The following BZW1 variants were observed in gnomAD, a reference collection of about 807,000 sequenced individuals.
BZW1 encodes the protein eIF5-mimic protein 2.
A neutral mutation model predicts 54.1 loss-of-function variants in BZW1; 3 were observed. The observed-to-expected ratio is 0.06, with a 90% CI of 0.03 to 0.14. BZW1 has a LOEUF of 0.14. Among genes scored for constraint, BZW1 ranks in the 10% least tolerant of loss-of-function variants. The probability of loss-of-function intolerance (pLI) is 1.00; values close to 1 mark genes in which losing one functional copy is unlikely to be tolerated. For synonymous variants in BZW1, 152 were observed against 162.7 expected, an observed-to-expected ratio of 0.93 and a Z score of 0.50; for missense variants, 206 against 491.7, an observed-to-expected ratio of 0.42 and a Z score of 5.50.
intron 1 of BZW1, 179 bp from the exon 2 acceptor site, chr2:200,813,029 C>A: frequency 2.9e-6 from 2 of 693,380 alleles, no homozygotes; most frequent in Non-Finnish European, 5.4e-6. Flanking sequence ...CACATTTTGA[C>A]GTACATTTGA....
chr2:200,812,372 C>T, intron 1 of BZW1: 1 of 1,283,102 alleles, frequency 7.8e-7, no homozygotes, highest in Non-Finnish European at 9.8e-7. Flanking sequence ...GCTGCGGCCG[C>T]CGCCTCCGCC....
At position 200,815,778 on chromosome 2, in the gene BZW1, A is replaced by G. The variant is rs772533292; in HGVS notation, c.336+17A>G. ...TTTGCTCAGGTAAATGAAACTTTAC[A>G]TAATTGTTTTCAGTTGGCTACTATC... On this transcript the variant is annotated intron_variant, in intron 4 of 11. Transcript: ENST00000409600. The G allele has an allele frequency of 7.2e-6, 11 of 1,523,212 alleles. No homozygotes were observed. The highest frequency in any genetic ancestry group is 2.4e-5 in the East Asian group (1 of 41,382). The allele number at this position is 1,523,212 out of a possible 1,614,324, so 94.4% of individuals were successfully genotyped here.
At chr2:200,816,268 T>C in intron 4 of BZW1, 57 bp from the exon 5 acceptor site, 1 of 1,299,840 alleles carries the variant, frequency 7.7e-7, no homozygotes, top group Non-Finnish European at 1.1e-6. Flanking sequence ...AAAGGTTTAC[T>C]ACTTTGCTAT....
At chr2:200,819,412 G>A (rs1362300500) in intron 9 of BZW1, among the ~76,000 whole-genome samples, 1 of 152,058 alleles carries the variant, frequency 6.6e-6, no homozygotes, top group Non-Finnish European at 1.5e-5. Context: ...TGATGAAAAG[G>A]AACTTCAGCT....
At position 200,822,325 on chromosome 2, in the gene BZW1, A is replaced by T. The variant is rs375138240; in HGVS notation, c.*147A>T. ...GGCAAATTTTATTTTAACTGTTTCTATGGTTGCTGGAAATGTTGGGTTTAG... is the reference window on the plus strand; with the variant it reads ...GGCAAATTTTATTTTAACTGTTTCTTTGGTTGCTGGAAATGTTGGGTTTAG... On this transcript the variant is annotated 3_prime_UTR_variant, in exon 12 of 12. Transcript: ENST00000409600. 1.1e-4 allele frequency: 68 copies of T among 623,938 alleles called. No individual in the cohort carries two copies. Among genetic ancestry groups the T allele is most frequent in the Admixed American group, 4.0e-4 (12 of 30,096 alleles). The allele number at this position is 623,938 out of a possible 1,614,324, so 38.7% of individuals were successfully genotyped here. A position where few individuals can be genotyped will look rare whatever the true frequency, so the allele number is the denominator to read the frequency against.
At chr2:200,816,478 T>C (rs2038296058) in intron 5 of BZW1, 88 bp downstream of exon 5, 5 of 1,005,242 alleles carry the variant, frequency 5.0e-6, no homozygotes, top group Non-Finnish European at 7.1e-6. Flanking sequence ...AGATTTGGAG[T>C]AATTTTGCTT....
Position 200,826,396 on chromosome 2 carries a change from GA to G in BZW1, c.*4219del, listed in dbSNP as rs2038694427. ...ATATAGATAGATAGATAGATAGATAGATAGATAGATATTTTTTTTTTTTTTT... is the reference window on the plus strand; with the variant it reads ...ATATAGATAGATAGATAGATAGATAGTAGATAGATATTTTTTTTTTTTTTT... On this transcript the variant is annotated 3_prime_UTR_variant, in exon 12 of 12. Coordinates refer to ENST00000409600, the MANE Select transcript of BZW1 (RefSeq NM_001207067.2). The G allele has an allele frequency of 1.7e-5, 1 of 60,486 alleles. No individual in the cohort carries two copies. The highest frequency in any genetic ancestry group is 3.8e-5 in the Non-Finnish European group (1 of 26,590). The allele number at this position is 60,486 out of a possible 1,614,324, so 3.7% of individuals were successfully genotyped here. A position where few individuals can be genotyped will look rare whatever the true frequency, so the allele number is the denominator to read the frequency against.
Position 200,818,472 on chromosome 2 carries a change from A to C in BZW1, c.819+79A>C. 4.1e-6 allele frequency: 6 copies of C among 1,475,496 alleles called. No individual in the cohort carries two copies. In the South Asian group the frequency reaches 7.3e-5, roughly 18 times the overall value. 91.4% of individuals were successfully genotyped at this position (1,475,496 alleles called of 1,614,324 possible). A position where few individuals can be genotyped will look rare whatever the true frequency, so the allele number is the denominator to read the frequency against. ...TTCACTAATTTGAGGAACTTACTTC[A>C]CCAGGATGAGATTGAGTTAATAGTA... On this transcript the variant is annotated intron_variant, in intron 8 of 11. Coordinates refer to ENST00000409600, the MANE Select transcript of BZW1 (RefSeq NM_001207067.2).
intron 11 of BZW1, 21 bp downstream of exon 11, chr2:200,821,326 GGTTT>G (rs1264021840): frequency 9.9e-6 from 16 of 1,611,424 alleles, no homozygotes; most frequent in Non-Finnish European, 1.3e-5. Context: ...TCCTTTGTGT[GGTTT>G]GTTTGGTAAA....
chr2:200,816,266 A>T, intron 4 of BZW1, 59 bp from the exon 5 acceptor site: 1 of 1,278,302 alleles, frequency 7.8e-7, no homozygotes, highest in Non-Finnish European at 1.1e-6. Context: ...TGAAAGGTTT[A>T]CTACTTTGCT....
chr2:200,818,953 T>C, intron 9 of BZW1, 52 bp downstream of exon 9: 2 of 1,500,822 alleles, frequency 1.3e-6, no homozygotes, highest in Non-Finnish European at 8.8e-7. Context: ...CACGTGGTGA[T>C]AAGTGAACTG....
At chr2:200,820,782 G>A (rs2038479934) in intron 10 of BZW1, among the ~76,000 whole-genome samples, 1 of 152,100 alleles carries the variant, frequency 6.6e-6, no homozygotes, top group Admixed American at 6.5e-5. Flanking sequence ...TCCTGCTTCT[G>A]TTCATCTTAC....
rs530425715 is a variant in BZW1 at position 200,823,453 on chromosome 2, T to C, written c.*1275T>C. ...GGGGAAAATGTAGCCACATTTTTTA[T>C]GGGAAGACTTTGTGTTAAAAGTGAA... On this transcript the variant is annotated 3_prime_UTR_variant, in exon 12 of 12. Coordinates refer to ENST00000409600, the MANE Select transcript of BZW1 (RefSeq NM_001207067.2). 7 of 150,312 alleles carry C rather than the reference T, an allele frequency of 4.7e-5. No individual in the cohort carries two copies. The highest frequency in any genetic ancestry group is 2.0e-4 in the East Asian group (1 of 5,004). The allele number at this position is 150,312 out of a possible 1,614,324, so 9.3% of individuals were successfully genotyped here. A position where few individuals can be genotyped will look rare whatever the true frequency, so the allele number is the denominator to read the frequency against.
rs2038557580 is a variant in BZW1, at chr2:200,822,293, C to G, written c.*115C>G. 2.4e-6 allele frequency: 2 copies of G among 825,804 alleles called. No homozygotes were observed. Among genetic ancestry groups the G allele is most frequent in the Non-Finnish European group, 3.7e-6 (2 of 537,036 alleles). The allele number at this position is 825,804 out of a possible 1,614,324, so 51.2% of individuals were successfully genotyped here. The stretch of plus-strand genomic sequence containing the variant: ...CCCTGTATCAAGCATGATATAAGGG[C>G]TTTCATGGCAAATTTTATTTTAACT... On this transcript the variant is annotated 3_prime_UTR_variant, in exon 12 of 12. Transcript: ENST00000409600.
intron 8 of BZW1, 40 bp from the exon 9 acceptor site, chr2:200,818,715 C>T: frequency 6.4e-7 from 1 of 1,562,184 alleles, no homozygotes; most frequent in Non-Finnish European, 8.6e-7. Context: ...TGTACATAAT[C>T]AAAACTGACT....
At position 200,818,383 on chromosome 2, in the gene BZW1, C is replaced by G. The variant is rs1403619808; in HGVS notation, c.809C>G (p.Pro270Arg). ...CAAGAACAGATGTCCCGTGGTGATC[C>G]ATTTAAGGATGTAAGTTTTTGTTTA... is the stretch of plus-strand genomic sequence containing the variant. ...ELQEQMSRGD[P>R]FKDIILYVKE... The change falls in exon 8 of 12, where the codon CCA (proline) becomes CGA (arginine). Residue 270 changes from proline (P) to arginine (R), a missense_variant. Around this residue, in one of 5 missense-constraint regions of BZW1, gnomAD observed 31 missense variants for 29.1 expected, o/e 1.07. Coordinates refer to ENST00000409600, the MANE Select transcript of BZW1 (RefSeq NM_001207067.2). The G allele has an allele frequency of 1.3e-6, 2 of 1,597,758 alleles. No homozygotes were observed. The highest frequency in any genetic ancestry group is 1.1e-5 in the South Asian group (1 of 87,764).
Position 200,823,566 on chromosome 2 carries a change from C to T in BZW1, c.*1388C>T, listed in dbSNP as rs548614178. The T allele has an allele frequency of 1.2e-4, 18 of 152,384 alleles. 1 individual carries two copies. In the East Asian group the frequency reaches 1.5e-3, roughly 13 times the overall value. 9.4% of individuals were successfully genotyped at this position (152,384 alleles called of 1,614,324 possible). Reference sequence around the variant, plus strand: ...AATCGCCCCTTTTGAAGGTGCCATTCTTATGAGCCAAAAGTTTGTCATTTA... The same window carrying T: ...AATCGCCCCTTTTGAAGGTGCCATTTTTATGAGCCAAAAGTTTGTCATTTA... On this transcript the variant is annotated 3_prime_UTR_variant, in exon 12 of 12. Transcript: ENST00000409600.
intron 1 of BZW1, chr2:200,812,482 G>A (rs779609519): frequency 2.2e-6 from 3 of 1,335,026 alleles, no homozygotes; most frequent in African/African-American, 3.0e-5. Context: ...GGCCGCCACC[G>A]CAGGCGACAG....
chr2:200,820,696 TC>T (rs1018957697), intron 10 of BZW1, among the ~76,000 whole-genome samples: 2 of 150,738 alleles, frequency 1.3e-5, no homozygotes, highest in Admixed American at 6.6e-5. Flanking sequence ...AAAAAAAAAA[TC>T]CCCAAGTCCC....
Sources: gnomAD v4.1 joint callset for allele counts (sites outside exome capture counted in the v4.1 genomes callset) on GRCh38, gnomAD v4.1.1 for gene constraint, gnomAD v4.1.1 regional missense constraint, MANE v1.5 for transcripts, NCBI Gene and HGNC (gene_info 2026-07-23, HGNC 2026-07-21) for gene names.